NT5DC3: variants seen among roughly 807,000 people sequenced by gnomAD.
The protein encoded by NT5DC3 is 5'-nucleotidase domain-containing protein 3.
In NT5DC3, 42 loss-of-function variants were observed where a neutral mutation model predicts 67.8. The observed-to-expected ratio is 0.62, with a 90% CI of 0.48 to 0.80. The LOEUF is 0.80. NT5DC3 is among the 30% of genes least tolerant of loss of function. The probability of loss-of-function intolerance (pLI) is 0.00; values close to 1 mark genes in which losing one functional copy is unlikely to be tolerated. For synonymous variants in NT5DC3, 237 were observed against 255.6 expected, an observed-to-expected ratio of 0.93 and a Z score of 0.69; for missense variants, 570 against 696.4, an observed-to-expected ratio of 0.82 and a Z score of 2.04.
the NT5DC3 span, among the ~76,000 whole-genome samples, chr12:103,751,869 T>C: frequency 6.6e-6 from 1 of 152,182 alleles, no homozygotes; most frequent in African/African-American, 2.4e-5. Context: ...GTGCATCACG[T>C]TGGACCTCCC....
At chr12:103,788,792 G>T in intron 10 of NT5DC3, 46 bp downstream of exon 10, 1 of 1,264,410 alleles carries the variant, frequency 7.9e-7, no homozygotes, top group South Asian at 1.2e-5. Flanking sequence ...CATTATTACC[G>T]ACCACAAAGC....
intron 4 of NT5DC3, among the ~76,000 whole-genome samples, chr12:103,803,705 C>T (rs151214910): frequency 2.0e-5 from 3 of 152,200 alleles, no homozygotes; most frequent in Non-Finnish European, 4.4e-5. Flanking sequence ...ATTTAGCTTC[C>T]ACTTGTGAGA....
At chr12:103,804,828 G>A (rs1184778644) in intron 4 of NT5DC3, among the ~76,000 whole-genome samples, 2 of 152,234 alleles carry the variant, frequency 1.3e-5, no homozygotes, top group African/African-American at 2.4e-5. Flanking sequence ...GAGGCGGGCA[G>A]ATCACCTGAA....
chr12:103,785,751 T>TTAAA, intron 11 of NT5DC3: 1 of 363,510 alleles, frequency 2.8e-6, no homozygotes, highest in South Asian at 1.9e-5. Flanking sequence ...CCATGGTCTG[T>TTAAA]AAAAAAAAAA....
intron 1 of NT5DC3, among the ~76,000 whole-genome samples, chr12:103,827,538 G>T (rs1481994092): frequency 1.3e-5 from 2 of 152,098 alleles, no homozygotes; most frequent in African/African-American, 4.8e-5. Context: ...GCTCGAATGA[G>T]AACAAAATAT....
chr12:103,787,382 T>C (rs1176778954), intron 11 of NT5DC3, 59 bp downstream of exon 11: 3 of 785,480 alleles, frequency 3.8e-6, no homozygotes, highest in Non-Finnish European at 4.0e-6. Flanking sequence ...AAAGATACAT[T>C]CTTTAGTAAG....
chr12:103,794,154 T>C (rs183941547), intron 6 of NT5DC3, among the ~76,000 whole-genome samples, 157 bp from the exon 7 acceptor site: 1,431 of 124,682 alleles, frequency 0.011, 15 homozygotes, highest in Non-Finnish European at 0.018. Flanking sequence ...TCTTCTTCTT[T>C]TTTTTTTTTT....
Position 103,836,205 on chromosome 12 carries a change from C to T in NT5DC3, c.208+4744G>A, listed in dbSNP as rs1387327540. Among the ~76,000 whole-genome samples, 3 of 152,156 alleles carry T rather than the reference C, an allele frequency of 2.0e-5. No homozygotes were observed. In the East Asian group the frequency reaches 5.8e-4, roughly 29 times the overall value. The stretch of plus-strand genomic sequence containing the variant: ...CCTGGTCCCTCCAATCTCATGTCCT[C>T]ACATTTCAAAACCAATCATGCCTTC... On this transcript the variant is annotated intron_variant, in intron 1 of 13. Coordinates refer to ENST00000392876, the MANE Select transcript of NT5DC3 (RefSeq NM_001031701.3).
intron 1 of NT5DC3, among the ~76,000 whole-genome samples, chr12:103,834,980 A>C (rs912527589): frequency 4.6e-5 from 7 of 152,204 alleles, no homozygotes; most frequent in Non-Finnish European, 1.0e-4. Context: ...GACAAAGCTC[A>C]AGGGTCAGCC....
chr12:103,774,684 CAAAAAAAAAAA>C lies in NT5DC3; in HGVS notation c.*3134_*3144del, dbSNP rs762200303. The C allele has an allele frequency of 1.9e-5, 1 of 51,340 alleles. No individual in the cohort carries two copies. Among genetic ancestry groups the C allele is most frequent in the African/African-American group, 7.2e-5 (1 of 13,916 alleles). 3.2% of individuals were successfully genotyped at this position (51,340 alleles called of 1,614,324 possible). On this transcript the variant is annotated 3_prime_UTR_variant, in exon 14 of 14. Coordinates refer to ENST00000392876, the MANE Select transcript of NT5DC3 (RefSeq NM_001031701.3). ...GGGCAAAAAGAGCAAAACTAAATCT[CAAAAAAAAAAA>C]AAAAAAAAAAGAGAAAAGAGTCATG...
chr12:103,763,467 C>G, the NT5DC3 span: 2 of 1,610,148 alleles, frequency 1.2e-6, no homozygotes, highest in Non-Finnish European at 8.5e-7. Context: ...ATGCTCCTGG[C>G]TTTCATGCTT....
intron 11 of NT5DC3, among the ~76,000 whole-genome samples, chr12:103,785,949 A>C (rs1885754693): frequency 1.3e-5 from 2 of 151,962 alleles, no homozygotes; most frequent in Non-Finnish European, 2.9e-5. Context: ...TTTCCATTCC[A>C]AATGCTGTCA....
chr12:103,796,763 C>T, intron 6 of NT5DC3, 131 bp downstream of exon 6: 1 of 858,548 alleles, frequency 1.2e-6, no homozygotes. Flanking sequence ...CAAGGTTAAA[C>T]CACATATAAG....
chr12:103,828,664 C>A (rs1402515868), intron 1 of NT5DC3, among the ~76,000 whole-genome samples: 1 of 151,272 alleles, frequency 6.6e-6, no homozygotes, highest in Non-Finnish European at 1.5e-5. Flanking sequence ...ACCCAGATTT[C>A]GGTGTTTACC....
chr12:103,747,966 G>C, the NT5DC3 span, among the ~76,000 whole-genome samples: 1 of 139,594 alleles, frequency 7.2e-6, no homozygotes, highest in Non-Finnish European at 1.5e-5. Flanking sequence ...CTCTACTCTA[G>C]CCTGGGCAAC....
the NT5DC3 span, among the ~76,000 whole-genome samples, chr12:103,754,404 T>A: frequency 6.6e-6 from 1 of 152,148 alleles, no homozygotes; most frequent in Non-Finnish European, 1.5e-5. Context: ...TTTGAGCAAG[T>A]TACTTCTCTT....
At chr12:103,819,381 T>C (rs1412620051) in intron 1 of NT5DC3, among the ~76,000 whole-genome samples, 2 of 152,216 alleles carry the variant, frequency 1.3e-5, no homozygotes, top group African/African-American at 4.8e-5. Flanking sequence ...GACTCTAAAG[T>C]ATAAACTGAA....
Position 103,841,195 on chromosome 12 carries a change from T to A in NT5DC3, c.-39A>T. 1.7e-6 allele frequency: 1 copy of A among 579,994 alleles called. No homozygotes were observed. Among genetic ancestry groups the A allele is most frequent in the Non-Finnish European group, 3.0e-6 (1 of 338,788 alleles). The allele number at this position is 579,994 out of a possible 1,614,324, so 35.9% of individuals were successfully genotyped here. A position where few individuals can be genotyped will look rare whatever the true frequency, so the allele number is the denominator to read the frequency against. On this transcript the variant is annotated 5_prime_UTR_variant, in exon 1 of 14. Transcript: ENST00000392876. ...TGCCGCCACCGCCGCCGCGCCGCTC[T>A]GCGACTGCTGCTGCCCGGCCCAAGA...
At chr12:103,778,670 G>C (rs1217691024) in intron 13 of NT5DC3, among the ~76,000 whole-genome samples, 2 of 152,156 alleles carry the variant, frequency 1.3e-5, no homozygotes, top group African/African-American at 4.8e-5. Context: ...ACCAGGCATG[G>C]TGGCATATGT....
Sources: allele counts gnomAD v4.1 joint callset (sites outside exome capture counted in the v4.1 genomes callset), GRCh38; gene constraint gnomAD v4.1.1; transcripts MANE v1.5; gene names NCBI Gene and HGNC (gene_info 2026-07-23, HGNC 2026-07-21).